FILIP1: variants seen among roughly 807,000 people sequenced by gnomAD.
FILIP1 encodes filamin-A-interacting protein 1.
A neutral mutation model predicts 102.1 loss-of-function variants in FILIP1; 61 were observed. The ratio of observed to expected loss-of-function variants is 0.60; its 90% confidence interval spans 0.49 to 0.74. The LOEUF (loss-of-function observed/expected upper bound fraction) is 0.74. FILIP1 is among the 30% of genes least tolerant of loss of function. The pLI is 0.00. For synonymous variants in FILIP1, 491 were observed against 526.9 expected (o/e 0.93, Z 0.93); for missense variants, 1,314 against 1,441.2 (o/e 0.91, Z 1.43).
intron 4 of FILIP1, among the ~76,000 whole-genome samples, chr6:75,335,783 AAGTATAAGCCATT>A (rs1774222277): frequency 6.6e-6 from 1 of 152,210 alleles, no homozygotes; most frequent in Non-Finnish European, 1.5e-5. Context: ...TATACTACAT[AAGTATAAGCCATT>A]ATGTTATGGC....
At chr6:75,352,686 A>G (rs922356510) in intron 4 of FILIP1, among the ~76,000 whole-genome samples, 1 of 152,034 alleles carries the variant, frequency 6.6e-6, no homozygotes, top group African/African-American at 2.4e-5. Flanking sequence ...TATTTTCTAC[A>G]CTGGTATTAA....
intron 2 of FILIP1, among the ~76,000 whole-genome samples, chr6:75,396,783 G>C (rs755234903): frequency 5.3e-5 from 8 of 152,048 alleles, no homozygotes; most frequent in Non-Finnish European, 7.4e-5. Flanking sequence ...AGCTTCCCAT[G>C]CTCAACTCTT....
chr6:75,429,961 T>C (rs1290061319), intron 1 of FILIP1, among the ~76,000 whole-genome samples: 1 of 152,308 alleles, frequency 6.6e-6, no homozygotes, highest in East Asian at 1.9e-4. Flanking sequence ...CTCAAGAATG[T>C]CATAGTCTAA....
chr6:75,426,143 G>T (rs1295764013), intron 1 of FILIP1, among the ~76,000 whole-genome samples: 1 of 152,084 alleles, frequency 6.6e-6, no homozygotes, highest in Non-Finnish European at 1.5e-5. Flanking sequence ...GAGACTATGT[G>T]ACAGAAATGA....
At chr6:75,368,308 G>A (rs1421956091) in intron 2 of FILIP1, among the ~76,000 whole-genome samples, 1 of 152,206 alleles carries the variant, frequency 6.6e-6, no homozygotes, top group Non-Finnish European at 1.5e-5. Context: ...GTGAGTGTGC[G>A]ATTCATCGTA....
At chr6:75,434,483 C>T (rs1777946231) in intron 1 of FILIP1, among the ~76,000 whole-genome samples, 1 of 151,916 alleles carries the variant, frequency 6.6e-6, no homozygotes, top group Admixed American at 6.6e-5. Flanking sequence ...TGATTTGGCT[C>T]TCTGTTTGTC....
chr6:75,320,281 G>A (rs1773605221), intron 4 of FILIP1, among the ~76,000 whole-genome samples: 1 of 152,202 alleles, frequency 6.6e-6, no homozygotes, highest in African/African-American at 2.4e-5. Flanking sequence ...TGTAGGCTGG[G>A]AGCGGTGGCT....
At chr6:75,446,480 G>A (rs1778445122) in intron 1 of FILIP1, among the ~76,000 whole-genome samples, 1 of 152,128 alleles carries the variant, frequency 6.6e-6, no homozygotes, top group South Asian at 2.1e-4. Context: ...CATTCACAGA[G>A]AAGACTGTAG....
At chr6:75,485,763 C>T (rs1245446206) in intron 1 of FILIP1, among the ~76,000 whole-genome samples, 1 of 152,066 alleles carries the variant, frequency 6.6e-6, no homozygotes, top group Non-Finnish European at 1.5e-5. Context: ...ATAAAATATG[C>T]CTCTGATCCA....
Position 75,313,921 on chromosome 6 carries a change from C to G in FILIP1, c.1911G>C (p.Glu637Asp). 6.2e-7 allele frequency: 1 copy of G among 1,613,524 alleles called. No individual in the cohort carries two copies. The highest frequency in any genetic ancestry group is 1.1e-5 in the South Asian group (1 of 90,952). Residue 637 changes from glutamate to aspartate, a missense_variant, in exon 5 of 6, where the codon GAG becomes GAC. Glu to Asp is a conservative substitution (Grantham distance 45). Coordinates refer to ENST00000237172, the MANE Select transcript of FILIP1 (RefSeq NM_015687.5). The surrounding 1 kb of genome is among the most constrained non-coding windows in gnomAD (Gnocchi z 4.2). ...ATTGTTGGAGACGTTTCTTCAGTCT[C>G]TCAATTTCAAGTGTTAGTTCCTTAA... ...NKIKELTLEIERLKKRLQQLE... is the reference protein window; with the variant it reads ...NKIKELTLEIDRLKKRLQQLE...
At chr6:75,316,427 AT>A (rs936616833) in intron 4 of FILIP1, among the ~76,000 whole-genome samples, 2 of 151,872 alleles carry the variant, frequency 1.3e-5, no homozygotes, top group Non-Finnish European at 2.9e-5. Flanking sequence ...TTATGACTAG[AT>A]TAGCTGTTAG....
rs777666566 is a variant in FILIP1, at chr6:75,362,925, A to G, written c.277-8T>C. The G allele has an allele frequency of 6.2e-7, 1 of 1,612,824 alleles. No homozygotes were observed. The highest frequency in any genetic ancestry group is 8.5e-7 in the Non-Finnish European group (1 of 1,179,416). The stretch of plus-strand genomic sequence containing the variant: ...GATCACATCTTCTCTGGCCTGTAAT[A>G]GAAAGTGCAGCAAGATCAGACGACT... On this transcript the variant is annotated splice_region_variant and splice_polypyrimidine_tract_variant and intron_variant, in intron 2 of 5. Coordinates refer to ENST00000237172, the MANE Select transcript of FILIP1 (RefSeq NM_015687.5).
intron 1 of FILIP1, among the ~76,000 whole-genome samples, chr6:75,476,215 T>C (rs62414209): frequency 7.1e-6 from 1 of 141,490 alleles, no homozygotes; most frequent in Non-Finnish European, 1.5e-5. Context: ...CACTCGAGCC[T>C]GGGCGACAGA....
At chr6:75,479,410 G>A (rs1779585958) in intron 1 of FILIP1, among the ~76,000 whole-genome samples, 1 of 151,596 alleles carries the variant, frequency 6.6e-6, no homozygotes. Flanking sequence ...CACCATACTG[G>A]GTATTGAATT....
chr6:75,362,694 T>C, intron 3 of FILIP1, 50 bp downstream of exon 3: 1 of 1,562,544 alleles, frequency 6.4e-7, no homozygotes, highest in East Asian at 2.2e-5. Flanking sequence ...AATGTGAAGA[T>C]ATCTCCCTGA....
At chr6:75,372,313 G>C (rs530581604) in intron 2 of FILIP1, among the ~76,000 whole-genome samples, 1 of 148,304 alleles carries the variant, frequency 6.7e-6, no homozygotes, top group East Asian at 2.0e-4. Context: ...GTTGCGATGA[G>C]CTGAGATCAT....
chr6:75,373,899 C>T (rs1482537483), intron 2 of FILIP1, among the ~76,000 whole-genome samples: 6 of 152,028 alleles, frequency 3.9e-5, no homozygotes, highest in Non-Finnish European at 8.8e-5. Flanking sequence ...TTCCCAGCTA[C>T]CTGGGAGGCT....
intron 1 of FILIP1, among the ~76,000 whole-genome samples, chr6:75,417,669 G>C (rs1562571307): frequency 6.6e-6 from 1 of 152,132 alleles, no homozygotes; most frequent in Non-Finnish European, 1.5e-5. Context: ...CATCAACCCT[G>C]TGAAGTAGGT....
intron 3 of FILIP1, among the ~76,000 whole-genome samples, chr6:75,359,021 G>C (rs1775094992): frequency 2.0e-5 from 3 of 149,168 alleles, no homozygotes; most frequent in Admixed American, 2.0e-4. Context: ...ATTTATTTTT[G>C]AGAAAGAGTC....
Sources: gnomAD v4.1 joint callset for allele counts (sites outside exome capture counted in the v4.1 genomes callset) on GRCh38, gnomAD v4.1.1 for gene constraint, Gnocchi (gnomAD v3.1) non-coding constraint, MANE v1.5 for transcripts, NCBI Gene and HGNC (gene_info 2026-07-23, HGNC 2026-07-21) for gene names.